The following KLHL23 variants were observed in gnomAD, a reference collection of about 807,000 sequenced individuals.
KLHL23 encodes kelch like family member 23.
A neutral mutation model predicts 48.9 loss-of-function variants in KLHL23; 33 were observed. That is an observed-to-expected ratio of 0.67 (90% CI 0.51 to 0.90). The LOEUF is 0.90. KLHL23 is among the 40% of genes least tolerant of loss of function. The pLI, the probability that KLHL23 is intolerant of heterozygous loss-of-function variation, is 0.00. For missense variants in KLHL23, 608 were observed against 669.6 expected, an observed-to-expected ratio of 0.91 and a Z score of 1.02; for synonymous variants, 234 against 231.6, an observed-to-expected ratio of 1.01 and a Z score of -0.09.
chr2:169,747,976 T>C (rs1688835248), intron 3 of KLHL23, among the ~76,000 whole-genome samples: 1 of 152,032 alleles, frequency 6.6e-6, no homozygotes, highest in Non-Finnish European at 1.5e-5. Context: ...ATACAAAAAT[T>C]AGCCAGTTGT....
intron 3 of KLHL23, among the ~76,000 whole-genome samples, chr2:169,741,885 C>T (rs953622866): frequency 1.3e-5 from 2 of 152,194 alleles, no homozygotes; most frequent in Admixed American, 1.3e-4. Context: ...TTGAAAAGCA[C>T]CATTCTATCA....
intron 2 of KLHL23, among the ~76,000 whole-genome samples, chr2:169,737,738 C>T (rs1223202884): frequency 6.6e-6 from 1 of 151,956 alleles, no homozygotes; most frequent in African/African-American, 2.4e-5. Context: ...CCTCAGCCTC[C>T]TGAGTAGCTG....
chr2:169,738,707 G>C (rs1688573782), intron 2 of KLHL23, among the ~76,000 whole-genome samples: 1 of 151,812 alleles, frequency 6.6e-6, no homozygotes, highest in African/African-American at 2.4e-5. Flanking sequence ...CAAGAAGATT[G>C]AACTGTATCA....
intron 3 of KLHL23, among the ~76,000 whole-genome samples, chr2:169,747,382 C>CT (rs1688817100): frequency 1.6e-5 from 1 of 61,680 alleles, no homozygotes; most frequent in Non-Finnish European, 3.3e-5. Flanking sequence ...GAGCGAGACT[C>CT]TGTCTCTAAA....
intron 2 of KLHL23, among the ~76,000 whole-genome samples, chr2:169,739,262 C>T (rs181432495): frequency 1.1e-3 from 166 of 151,922 alleles, no homozygotes; most frequent in African/African-American, 3.8e-3. Context: ...CCCTCGAGAC[C>T]GCCCACCCTG....
At chr2:169,740,766 T>TTA (rs55779546) in intron 2 of KLHL23, among the ~76,000 whole-genome samples, 6,656 of 125,382 alleles carry the variant, frequency 0.053, 374 homozygotes, top group African/African-American at 0.1. Flanking sequence ...CTTTTTTATA[T>TTA]TATATATATA....
chr2:169,735,578 CAGAA>C lies in KLHL23; in HGVS notation c.569_572del (p.Lys190IlefsTer11). 3 of 1,613,784 alleles carry C rather than the reference CAGAA, an allele frequency of 1.9e-6. No individual in the cohort carries two copies. The highest frequency in any genetic ancestry group is 2.5e-6 in the Non-Finnish European group (3 of 1,179,984). Reference sequence around the variant, plus strand: ...TTGAAAAGTTTCTCTTTATCTTGTCCAGAAAGAATCTCAGTGTTTGGAAAGAAGA... The same window carrying C: ...TTGAAAAGTTTCTCTTTATCTTGTCCAGAATCTCAGTGTTTGGAAAGAAGA... On this transcript the variant is annotated frameshift_variant, in exon 2 of 4. Coordinates refer to ENST00000392647, the MANE Select transcript of KLHL23 (RefSeq NM_144711.6). LOFTEE classifies it high-confidence loss of function. The surrounding 1 kb of genome is among the most constrained non-coding windows in gnomAD (Gnocchi z 4.5).
intron 2 of KLHL23, among the ~76,000 whole-genome samples, chr2:169,738,478 C>A (rs1021782226): frequency 2.0e-5 from 3 of 151,932 alleles, no homozygotes; most frequent in Non-Finnish European, 4.4e-5. Context: ...TATTTTGTAG[C>A]CTTGAAGTGA....
At chr2:169,746,501 A>G (rs1301943894) in intron 3 of KLHL23, among the ~76,000 whole-genome samples, 2 of 152,182 alleles carry the variant, frequency 1.3e-5, no homozygotes, top group Admixed American at 6.5e-5. Flanking sequence ...TTCATGTCTA[A>G]CATATCTGCT....
intron 3 of KLHL23, among the ~76,000 whole-genome samples, chr2:169,746,479 T>C (rs944327248): frequency 7.2e-5 from 11 of 152,240 alleles, no homozygotes; most frequent in African/African-American, 2.7e-4. Context: ...TGATTATTCA[T>C]TTGTTCACTC....
intron 2 of KLHL23, among the ~76,000 whole-genome samples, chr2:169,737,324 A>C (rs1229607176): frequency 6.6e-6 from 1 of 152,206 alleles, no homozygotes; most frequent in Non-Finnish European, 1.5e-5. Flanking sequence ...GCTCTTATAG[A>C]GCAGAAATTG....
chr2:169,745,537 A>AG (rs1262525015), intron 3 of KLHL23, among the ~76,000 whole-genome samples: 1 of 149,088 alleles, frequency 6.7e-6, no homozygotes, highest in East Asian at 2.0e-4. Flanking sequence ...AAAAAAAAAA[A>AG]AAGGAAGAGA....
intron 3 of KLHL23, among the ~76,000 whole-genome samples, chr2:169,746,624 C>T (rs1688798645): frequency 6.6e-6 from 1 of 152,184 alleles, no homozygotes; most frequent in South Asian, 2.1e-4. Context: ...AACGCAATTA[C>T]AGCTCAGGAA....
rs563278564 is a variant in KLHL23 at position 169,747,731 on chromosome 2, CAT to C, written c.1367-1688_1367-1687del. 8.5e-5 allele frequency among the ~76,000 whole-genome samples: 13 copies of C among 152,276 alleles called. No homozygotes were observed. The South Asian group carries it at 2.7e-3, about 32-fold the overall frequency. On this transcript the variant is annotated intron_variant, in intron 3 of 3. Transcript: ENST00000392647. ...AGTACAATTCATTCATTATTCAACACATATTTATCGAATTCTCACAAGGTGCC... is the reference window on the plus strand; with the variant it reads ...AGTACAATTCATTCATTATTCAACACATTTATCGAATTCTCACAAGGTGCC...
At chr2:169,746,208 G>T (rs996962027) in intron 3 of KLHL23, among the ~76,000 whole-genome samples, 2 of 152,242 alleles carry the variant, frequency 1.3e-5, no homozygotes, top group Non-Finnish European at 2.9e-5. Flanking sequence ...CTTGCCATCG[G>T]CAAGTAGACT....
chr2:169,733,872 C>G lies in KLHL23; in HGVS notation c.-218C>G, dbSNP rs566715499. On this transcript the variant is annotated 5_prime_UTR_variant, in exon 1 of 4. Transcript: ENST00000392647. ...CGGCCCGGCGACGGGGGAGTTCCCG[C>G]GAGTGGCCTCGCGCCCAGACCGTGC... The G allele has an allele frequency of 6.6e-6, 1 of 152,158 alleles. No homozygotes were observed. The highest frequency in any genetic ancestry group is 2.4e-5 in the African/African-American group (1 of 41,410). The allele number at this position is 152,158 out of a possible 1,614,324, so 9.4% of individuals were successfully genotyped here.
In KLHL23 at chr2:169,745,087, A is replaced by AT. The variant is rs1004836006; in HGVS notation, c.1366+3559dup. On this transcript the variant is annotated intron_variant, in intron 3 of 3. Coordinates refer to ENST00000392647, the MANE Select transcript of KLHL23 (RefSeq NM_144711.6). ...ACCACCACGCCTGGCTAATTTTTGT[A>AT]TTTTTTTTTAGTAGAGACGGGGTTT... Among the ~76,000 whole-genome samples, 25 of 144,706 alleles carry AT rather than the reference A, an allele frequency of 1.7e-4. No homozygotes were observed. The East Asian group carries it at 1.9e-3, about 11-fold the overall frequency. The allele number at this position is 144,706 out of a possible 152,430, so 94.9% of individuals were successfully genotyped here.
chr2:169,738,628 G>C (rs975547007), intron 2 of KLHL23, among the ~76,000 whole-genome samples: 2 of 151,852 alleles, frequency 1.3e-5, no homozygotes, highest in Admixed American at 1.3e-4. Context: ...AGGAACTCCT[G>C]AATCTTTATT....
chr2:169,738,034 G>T (rs994620240), intron 2 of KLHL23, among the ~76,000 whole-genome samples: 4 of 152,262 alleles, frequency 2.6e-5, no homozygotes, highest in Non-Finnish European at 5.9e-5. Flanking sequence ...CCATATGCAT[G>T]CTTGCGTTAA....
Sources: allele counts gnomAD v4.1 joint callset (sites outside exome capture counted in the v4.1 genomes callset), GRCh38; gene constraint gnomAD v4.1.1; non-coding constraint Gnocchi (gnomAD v3.1); transcripts MANE v1.5; gene names NCBI Gene and HGNC (gene_info 2026-07-23, HGNC 2026-07-21).